PCSK5: variants seen among roughly 807,000 people sequenced by gnomAD.
PCSK5 encodes the protein prohormone convertase 5.
Under a neutral mutation model 233.2 loss-of-function variants are expected in PCSK5, and 129 were observed. That is an observed-to-expected ratio of 0.55 (90% CI 0.48 to 0.64). PCSK5 has a LOEUF of 0.64. PCSK5 is among the 30% of genes least tolerant of loss of function. The pLI, the probability that PCSK5 is intolerant of heterozygous loss-of-function variation, is 0.00. For missense variants in PCSK5, 2,076 were observed against 2,430.1 expected, an observed-to-expected ratio of 0.85 and a Z score of 3.06; for synonymous variants, 825 against 879.2, an observed-to-expected ratio of 0.94 and a Z score of 1.09.
intron 37 of PCSK5, among the ~76,000 whole-genome samples, chr9:76,358,112 T>C (rs939526859): frequency 2.2e-4 from 34 of 152,200 alleles, no homozygotes; most frequent in African/African-American, 5.5e-4. Context: ...GATGGCAAAC[T>C]GACCTTCTTT....
At chr9:76,068,915 G>C (rs567125301) in intron 6 of PCSK5, among the ~76,000 whole-genome samples, 105 of 152,204 alleles carry the variant, frequency 6.9e-4, no homozygotes, top group African/African-American at 2.5e-3. Flanking sequence ...GTGGGAAATA[G>C]TGTTAGAACT....
rs767905042 is a variant in PCSK5 at position 76,157,025 on chromosome 9, C to G, written c.1313-20C>G. The G allele has an allele frequency of 3.2e-6, 5 of 1,554,650 alleles. No homozygotes were observed. The African/African-American group carries it at 6.8e-5, about 21-fold the overall frequency. ...ACCTATGTAGCTTAGTGAAGCTGAC[C>G]AGTCTCTCGCTTTCCACAGTGAGCC... is the stretch of plus-strand genomic sequence containing the variant. On this transcript the variant is annotated intron_variant, in intron 10 of 37. Coordinates refer to ENST00000674117, the MANE Select transcript of PCSK5 (RefSeq NM_001372043.1).
chr9:76,117,344 GA>G (rs1225732127), intron 9 of PCSK5, among the ~76,000 whole-genome samples: 1 of 151,980 alleles, frequency 6.6e-6, no homozygotes, highest in Non-Finnish European at 1.5e-5. Context: ...TGGCATGAAG[GA>G]AAAAATAAAA....
chr9:76,184,805 T>C (rs1312696120), intron 17 of PCSK5, 48 bp downstream of exon 17: 6 of 1,096,214 alleles, frequency 5.5e-6, no homozygotes, highest in Non-Finnish European at 8.2e-6. Context: ...AAAGAGCTTC[T>C]CAATGTAAAT....
chr9:76,075,669 A>G (rs1317318055), intron 7 of PCSK5, among the ~76,000 whole-genome samples: 1 of 152,204 alleles, frequency 6.6e-6, no homozygotes, highest in Non-Finnish European at 1.5e-5. Flanking sequence ...CAACAAAGAA[A>G]TAAATGTGAT....
intron 10 of PCSK5, among the ~76,000 whole-genome samples, chr9:76,153,120 A>C (rs1336593943): frequency 6.6e-6 from 1 of 152,214 alleles, no homozygotes; most frequent in Non-Finnish European, 1.5e-5. Flanking sequence ...TATACCTATC[A>C]AAATGTAAGC....
chr9:76,348,229 T>C (rs1830029188), intron 35 of PCSK5, among the ~76,000 whole-genome samples: 1 of 152,092 alleles, frequency 6.6e-6, no homozygotes, highest in Non-Finnish European at 1.5e-5. Flanking sequence ...GCCAACATGG[T>C]GAAACCTCAT....
At chr9:76,256,240 C>G (rs900266361) in intron 24 of PCSK5, among the ~76,000 whole-genome samples, 1 of 152,228 alleles carries the variant, frequency 6.6e-6, no homozygotes, top group African/African-American at 2.4e-5. Flanking sequence ...AGCTCATCAT[C>G]TTGGCTCTTC....
rs112557071 is a variant in PCSK5, at chr9:76,225,503, G to A, written c.2627-2000G>A. Among the ~76,000 whole-genome samples, 572 of 152,266 alleles carry A rather than the reference G, an allele frequency of 3.8e-3. 13 individuals carry two copies. Among genetic ancestry groups the A allele is most frequent in the South Asian group, 0.035 (168 of 4,824 alleles). On this transcript the variant is annotated intron_variant, in intron 20 of 37. Transcript: ENST00000674117. The stretch of plus-strand genomic sequence containing the variant: ...CGTTTGCACTGGCCCCTGTAGGCAA[G>A]GTCTGCTTCTTCCCACTGAGTCTGC...
At chr9:75,938,374 C>CT (rs898596272) in intron 2 of PCSK5, among the ~76,000 whole-genome samples, 47 of 152,334 alleles carry the variant, frequency 3.1e-4, no homozygotes, top group African/African-American at 1.1e-3. Flanking sequence ...ATTAAGTTCA[C>CT]TGTCATATGG....
intron 15 of PCSK5, among the ~76,000 whole-genome samples, chr9:76,180,297 C>G (rs11144782): frequency 0.16 from 23,927 of 151,932 alleles, 2,340 homozygotes; most frequent in East Asian, 0.38. Context: ...ATTTCTTGAA[C>G]TTATTCCTCC....
At chr9:75,905,992 C>T (rs1021058474) in intron 1 of PCSK5, among the ~76,000 whole-genome samples, 1 of 152,106 alleles carries the variant, frequency 6.6e-6, no homozygotes, top group African/African-American at 2.4e-5. Context: ...TATTGAGTAC[C>T]TATTTTATCA....
chr9:76,341,552 C>T (rs1829836769), intron 35 of PCSK5, among the ~76,000 whole-genome samples: 1 of 152,102 alleles, frequency 6.6e-6, no homozygotes, highest in Non-Finnish European at 1.5e-5. Context: ...TCTTGGCCAC[C>T]CAAAGTGCTG....
chr9:76,163,301 G>A (rs531731880), intron 12 of PCSK5, among the ~76,000 whole-genome samples: 1 of 152,208 alleles, frequency 6.6e-6, no homozygotes, highest in Non-Finnish European at 1.5e-5. Context: ...GAGCCCCTCA[G>A]TGGCTCCCTG....
intron 24 of PCSK5, among the ~76,000 whole-genome samples, chr9:76,285,117 G>A (rs1828022645): frequency 1.3e-5 from 2 of 152,180 alleles, no homozygotes; most frequent in Non-Finnish European, 2.9e-5. Flanking sequence ...GATGCTGGAA[G>A]TTCTATGAAG....
At chr9:76,174,885 A>G (rs2131196350) in intron 13 of PCSK5, 101 bp from the exon 14 acceptor site, 1 of 1,054,050 alleles carries the variant, frequency 9.5e-7, no homozygotes, top group Admixed American at 2.3e-5. Flanking sequence ...TCTGCCTCCC[A>G]CAGTTCTGTT....
In PCSK5 at chr9:76,362,219, C is replaced by G. The variant is rs931926253; in HGVS notation, c.*3297C>G. On this transcript the variant is annotated 3_prime_UTR_variant, in exon 38 of 38. Transcript: ENST00000674117. Reference sequence around the variant, plus strand: ...AACAAAGTCACCTTTTAGTTTTCTACTTGGAAATATTAAGAGAATCCTTGT... The same window carrying G: ...AACAAAGTCACCTTTTAGTTTTCTAGTTGGAAATATTAAGAGAATCCTTGT... 1 of 152,112 alleles carries G rather than the reference C, an allele frequency of 6.6e-6. No individual in the cohort carries two copies. The highest frequency in any genetic ancestry group is 1.5e-5 in the Non-Finnish European group (1 of 68,036). The allele number at this position is 152,112 out of a possible 1,614,324, so 9.4% of individuals were successfully genotyped here.
chr9:76,071,703 T>C, intron 6 of PCSK5, 23 bp from the exon 7 acceptor site: 1 of 1,599,354 alleles, frequency 6.3e-7, no homozygotes, highest in South Asian at 1.1e-5. Flanking sequence ...TGTAATGAGC[T>C]AGTTCTCCTT....
At chr9:76,118,854 T>C (rs943264903) in intron 9 of PCSK5, among the ~76,000 whole-genome samples, 1 of 152,082 alleles carries the variant, frequency 6.6e-6, no homozygotes, top group Non-Finnish European at 1.5e-5. Flanking sequence ...TGATGCTAGT[T>C]CCAAATATTC....
Sources: allele counts gnomAD v4.1 joint callset (sites outside exome capture counted in the v4.1 genomes callset), GRCh38; gene constraint gnomAD v4.1.1; transcripts MANE v1.5; gene names NCBI Gene and HGNC (gene_info 2026-07-23, HGNC 2026-07-21).